QTGAL: variants seen among roughly 807,000 people sequenced by gnomAD.
The protein encoded by QTGAL is BGnT-like protein 1.
the QTGAL span, among the ~76,000 whole-genome samples, chr17:82,952,307 A>G: frequency 6.6e-6 from 1 of 152,118 alleles, no homozygotes; most frequent in African/African-American, 2.4e-5. Context: ...TGTGTCCCCC[A>G]CAACCCCCCA....
At chr17:83,014,311 A>G in the QTGAL span, 1 of 878,422 alleles carries the variant, frequency 1.1e-6, no homozygotes, top group Non-Finnish European at 1.7e-6. Flanking sequence ...GCTCAGAGAC[A>G]TGCCAGCCAC....
the QTGAL span, chr17:82,981,660 T>C: frequency 6.6e-6 from 1 of 152,264 alleles, no homozygotes; most frequent in Non-Finnish European, 1.5e-5. Context: ...CTGGAGCATA[T>C]GTTCGGAGCC....
chr17:83,036,955 AGAGGTGGCATT>A, the QTGAL span, among the ~76,000 whole-genome samples: 1 of 152,122 alleles, frequency 6.6e-6, no homozygotes, highest in African/African-American at 2.4e-5. Flanking sequence ...CGGGTGGATC[AGAGGTGGCATT>A]TAGCCCAAAA....
chr17:83,007,302 C>T, the QTGAL span: 7 of 984,608 alleles, frequency 7.1e-6, no homozygotes, highest in Non-Finnish European at 8.4e-6. Flanking sequence ...TTCCCCACAC[C>T]CAATCTGACC....
chr17:83,050,179 T>C, the QTGAL span, among the ~76,000 whole-genome samples: 1 of 152,094 alleles, frequency 6.6e-6, no homozygotes, highest in African/African-American at 2.4e-5. Flanking sequence ...AAGACCAGCC[T>C]GACCAACATG....
At chr17:82,975,816 C>T in the QTGAL span, among the ~76,000 whole-genome samples, 250 of 94,154 alleles carry the variant, frequency 2.7e-3, no homozygotes, top group East Asian at 3.2e-3. Flanking sequence ...TCCCAGGGGC[C>T]GGAGGCCACT....
chr17:83,026,098 C>T, the QTGAL span, among the ~76,000 whole-genome samples: 60 of 152,208 alleles, frequency 3.9e-4, no homozygotes, highest in Admixed American at 7.2e-4. Flanking sequence ...GAACAGAAGA[C>T]GACGCTCACC....
At chr17:82,985,760 C>T in the QTGAL span, among the ~76,000 whole-genome samples, 2 of 152,212 alleles carry the variant, frequency 1.3e-5, no homozygotes, top group South Asian at 2.1e-4. Flanking sequence ...AAAGCTTCCA[C>T]AATGAATATG....
At chr17:83,006,808 T>C in the QTGAL span, 1 of 985,452 alleles carries the variant, frequency 1.0e-6, no homozygotes, top group Non-Finnish European at 1.2e-6. The surrounding 1 kb of genome is among the most constrained non-coding windows in gnomAD (Gnocchi z 5.8). Flanking sequence ...AAGTTCAGGT[T>C]TGTCTGTGAA....
chr17:82,961,231 C>A, the QTGAL span: 2 of 1,577,248 alleles, frequency 1.3e-6, no homozygotes, highest in Non-Finnish European at 1.7e-6. Flanking sequence ...GAAACGCGTG[C>A]CTGCCCCGGA....
the QTGAL span, among the ~76,000 whole-genome samples, chr17:82,968,738 G>A: frequency 4.6e-5 from 7 of 152,206 alleles, no homozygotes; most frequent in South Asian, 2.1e-4. Flanking sequence ...GGTGGCTCAC[G>A]TCTGTAATCC....
chr17:82,951,925 T>A, the QTGAL span, among the ~76,000 whole-genome samples: 1 of 150,990 alleles, frequency 6.6e-6, no homozygotes, highest in Non-Finnish European at 1.5e-5. Flanking sequence ...CCGTAACACA[T>A]ACAGTAACAG....
chr17:83,009,803 G>A, the QTGAL span, among the ~76,000 whole-genome samples: 2 of 152,040 alleles, frequency 1.3e-5, no homozygotes, highest in Admixed American at 6.5e-5. Context: ...AGAAAGACAC[G>A]TTTCTGGCAC....
At chr17:82,999,476 T>C in the QTGAL span, among the ~76,000 whole-genome samples, 772 of 152,310 alleles carry the variant, frequency 5.1e-3, 2 homozygotes, top group Non-Finnish European at 7.0e-3. Context: ...TGAAAATCCA[T>C]GTATAAGTTT....
At chr17:83,026,231 C>T in the QTGAL span, among the ~76,000 whole-genome samples, 9 of 152,162 alleles carry the variant, frequency 5.9e-5, no homozygotes, top group Non-Finnish European at 8.8e-5. Context: ...CGTGGGTGTT[C>T]GCAGGCATCA....
At chr17:82,992,827 G>T in the QTGAL span, among the ~76,000 whole-genome samples, 1 of 152,218 alleles carries the variant, frequency 6.6e-6, no homozygotes, top group African/African-American at 2.4e-5. Flanking sequence ...CAAAGTTAAG[G>T]TATAGAGTTT....
the QTGAL span, among the ~76,000 whole-genome samples, chr17:83,041,618 C>T: frequency 6.6e-6 from 1 of 152,178 alleles, no homozygotes; most frequent in Non-Finnish European, 1.5e-5. Context: ...GAGGGTGAGC[C>T]TATGTCTAGG....
the QTGAL span, among the ~76,000 whole-genome samples, chr17:83,044,085 A>G: frequency 6.6e-6 from 1 of 152,210 alleles, no homozygotes; most frequent in Non-Finnish European, 1.5e-5. Context: ...ACTAACACCA[A>G]TCCTTCCCAA....
At chr17:82,950,257 C>T in the QTGAL span, among the ~76,000 whole-genome samples, 1 of 152,202 alleles carries the variant, frequency 6.6e-6, no homozygotes, top group Non-Finnish European at 1.5e-5. Flanking sequence ...AGCCGGCTCC[C>T]TGGGAAGGGT....
Sources: allele counts gnomAD v4.1 joint callset (sites outside exome capture counted in the v4.1 genomes callset), GRCh38; gene constraint gnomAD v4.1.1; non-coding constraint Gnocchi (gnomAD v3.1); transcripts MANE v1.5; gene names NCBI Gene and HGNC (gene_info 2026-07-23, HGNC 2026-07-21).